DIP2C: variants seen among roughly 807,000 people sequenced by gnomAD.
DIP2C encodes DIP2 acetate--CoA ligase C (putative).
In DIP2C, 33 loss-of-function variants were observed where a neutral mutation model predicts 192.4. The ratio of observed to expected loss-of-function variants is 0.17; its 90% CI spans 0.13 to 0.23. DIP2C has a LOEUF of 0.23. DIP2C is among the 10% of genes least tolerant of loss of function. The pLI is 1.00. For missense variants in DIP2C, 1,537 were observed against 2,110.1 expected, an observed-to-expected ratio of 0.73 and a Z score of 5.32; for synonymous variants, 979 against 864.1, an observed-to-expected ratio of 1.13 and a Z score of -2.33.
chr10:449,732 G>A (rs1968673627), intron 3 of DIP2C, among the ~76,000 whole-genome samples: 1 of 146,058 alleles, frequency 6.8e-6, no homozygotes, highest in Admixed American at 6.8e-5. Flanking sequence ...GTATACATAT[G>A]TAACTAACCT....
chr10:565,407 G>A (rs1849413982), intron 1 of DIP2C, among the ~76,000 whole-genome samples: 1 of 145,248 alleles, frequency 6.9e-6, no homozygotes, highest in Non-Finnish European at 1.5e-5. Flanking sequence ...ATAATGCAGA[G>A]TCAAACTTTC....
intron 3 of DIP2C, among the ~76,000 whole-genome samples, chr10:452,715 G>C (rs113805581): frequency 0.012 from 1,903 of 152,338 alleles, 44 homozygotes; most frequent in African/African-American, 0.043. Context: ...GGGTGGCTCT[G>C]CTGGTGCCCT....
rs117252641 is a variant in DIP2C at position 428,260 on chromosome 10, T to G, written c.395-5227A>C. On this transcript the variant is annotated intron_variant, in intron 4 of 36. Coordinates refer to ENST00000280886, the MANE Select transcript of DIP2C (RefSeq NM_014974.3). ...AAATTTGATTTCTAGGGTCCTTTCTTTTTCATAGAGCTAACCTTTCATCTG... is the reference window on the plus strand; with the variant it reads ...AAATTTGATTTCTAGGGTCCTTTCTGTTTCATAGAGCTAACCTTTCATCTG... 1.3e-3 allele frequency among the ~76,000 whole-genome samples: 196 copies of G among 152,274 alleles called. No individual in the cohort carries two copies. The East Asian group carries it at 0.013, about 10-fold the overall frequency.
chr10:482,155 A>G (rs377411132), intron 2 of DIP2C, among the ~76,000 whole-genome samples: 41 of 152,322 alleles, frequency 2.7e-4, no homozygotes, highest in African/African-American at 9.6e-4. Flanking sequence ...CGGCCTGAGC[A>G]GAGTTCCTCA....
At chr10:590,687 G>C (rs992708282) in intron 1 of DIP2C, among the ~76,000 whole-genome samples, 1 of 152,164 alleles carries the variant, frequency 6.6e-6, no homozygotes, top group South Asian at 2.1e-4. Flanking sequence ...CAAGTTAGAC[G>C]GGTTTTTACT....
chr10:596,681 C>T (rs538257712), intron 1 of DIP2C, among the ~76,000 whole-genome samples: 3 of 152,114 alleles, frequency 2.0e-5, no homozygotes, highest in Non-Finnish European at 4.4e-5. Flanking sequence ...AAGGCACATA[C>T]TGTGAATGGA....
intron 1 of DIP2C, among the ~76,000 whole-genome samples, chr10:606,737 T>C (rs750235292): frequency 6.6e-6 from 1 of 152,134 alleles, no homozygotes; most frequent in Non-Finnish European, 1.5e-5. Context: ...CAACAAAAAA[T>C]CCAAAACCCC....
intron 9 of DIP2C, among the ~76,000 whole-genome samples, chr10:403,767 C>T (rs1439775268): frequency 1.4e-5 from 2 of 144,100 alleles, no homozygotes; most frequent in African/African-American, 5.2e-5. Flanking sequence ...TCCTGTGATT[C>T]TACATGTGTG....
At chr10:568,127 C>T (rs531360002) in intron 1 of DIP2C, among the ~76,000 whole-genome samples, 2 of 152,318 alleles carry the variant, frequency 1.3e-5, no homozygotes, top group African/African-American at 4.8e-5. Context: ...GTTGTGTTGG[C>T]ACAAGCACAG....
chr10:279,499 T>C (rs988229355), intron 36 of DIP2C, among the ~76,000 whole-genome samples: 2 of 152,214 alleles, frequency 1.3e-5, no homozygotes, highest in Non-Finnish European at 2.9e-5. Context: ...TTACAGGAGC[T>C]GTGCACGCTA....
At chr10:590,506 T>C (rs1851336839) in intron 1 of DIP2C, among the ~76,000 whole-genome samples, 1 of 152,232 alleles carries the variant, frequency 6.6e-6, no homozygotes, top group African/African-American at 2.4e-5. Context: ...CATATCGACA[T>C]GTTCCTTTAA....
chr10:462,653 G>T (rs899853365), intron 3 of DIP2C, among the ~76,000 whole-genome samples: 2 of 152,078 alleles, frequency 1.3e-5, no homozygotes, highest in Admixed American at 6.6e-5. Flanking sequence ...GAAAAGAGGG[G>T]CTCCTCCCTA....
At chr10:600,166 T>A (rs1427384787) in intron 1 of DIP2C, among the ~76,000 whole-genome samples, 1 of 152,110 alleles carries the variant, frequency 6.6e-6, no homozygotes, top group African/African-American at 2.4e-5. Flanking sequence ...ATCGTGGAAA[T>A]AAGAGGGAAG....
chr10:631,391 C>G (rs915416234), intron 1 of DIP2C: 1 of 152,214 alleles, frequency 6.6e-6, no homozygotes, highest in Non-Finnish European at 1.5e-5. Flanking sequence ...TACAGTTCTG[C>G]AGCAGTCTCC....
chr10:681,687 G>A (rs972962415), intron 1 of DIP2C, among the ~76,000 whole-genome samples: 7 of 151,578 alleles, frequency 4.6e-5, no homozygotes, highest in East Asian at 3.9e-4. Context: ...CTACGGCCAC[G>A]GAAATTCCAG....
At chr10:378,725 A>G (rs1249580979) in intron 17 of DIP2C, among the ~76,000 whole-genome samples, 2 of 151,826 alleles carry the variant, frequency 1.3e-5, no homozygotes, top group Non-Finnish European at 2.9e-5. Context: ...AGACACGTGA[A>G]CAGACATGCA....
chr10:364,329 T>G, intron 20 of DIP2C, 45 bp downstream of exon 20: 2 of 1,576,786 alleles, frequency 1.3e-6, no homozygotes, highest in Admixed American at 1.8e-5. Context: ...ATAAAAAATA[T>G]GGCCGACCGG....
chr10:356,418 C>T lies in DIP2C; in HGVS notation c.2985+8G>A, dbSNP rs1172049035. On this transcript the variant is annotated splice_region_variant and intron_variant, in intron 24 of 36. Transcript: ENST00000280886. ...CAGTAGCCAGGGAAGGCCAGCTCCG[C>T]GCCTCACCCGACAGTTGAGCAGCGT... The T allele has an allele frequency of 3.7e-6, 6 of 1,610,500 alleles. No individual in the cohort carries two copies. The highest frequency in any genetic ancestry group is 2.7e-5 in the African/African-American group (2 of 74,946).
intron 31 of DIP2C, among the ~76,000 whole-genome samples, chr10:326,157 C>T (rs1957264540): frequency 6.6e-6 from 1 of 152,092 alleles, no homozygotes; most frequent in African/African-American, 2.4e-5. Flanking sequence ...CGCCACTGCA[C>T]TCCAGCCTGG....
Sources: gnomAD v4.1 joint callset for allele counts (sites outside exome capture counted in the v4.1 genomes callset) on GRCh38, gnomAD v4.1.1 for gene constraint, MANE v1.5 for transcripts, NCBI Gene and HGNC (gene_info 2026-07-23, HGNC 2026-07-21) for gene names.